The following NKAIN1 variants were observed in gnomAD, a reference collection of about 807,000 sequenced individuals.
The protein encoded by NKAIN1 is sodium/potassium-transporting ATPase subunit beta-1-interacting protein 1.
Under a neutral mutation model 31.6 loss-of-function variants are expected in NKAIN1, and 13 were observed. That is an observed-to-expected ratio of 0.41 (90% CI 0.27 to 0.65). The LOEUF (loss-of-function observed/expected upper bound fraction) is 0.65, where lower values mean the gene tolerates loss of function less well. NKAIN1 is among the 30% of genes least tolerant of loss of function. The pLI, the probability that NKAIN1 is intolerant of heterozygous loss-of-function variation, is 0.30. For missense variants in NKAIN1, 193 were observed against 262.2 expected (o/e 0.74, Z 1.82); for synonymous variants, 104 against 109.0 (o/e 0.95, Z 0.28).
intron 1 of NKAIN1, among the ~76,000 whole-genome samples, chr1:31,229,477 C>G (rs892026588): frequency 1.2e-4 from 19 of 152,134 alleles, no homozygotes; most frequent in African/African-American, 4.6e-4. Flanking sequence ...GGGGCAAAAG[C>G]AATCCTCCCC....
chr1:31,187,170 A>C (rs1039617656), intron 2 of NKAIN1, among the ~76,000 whole-genome samples: 1 of 152,098 alleles, frequency 6.6e-6, no homozygotes, highest in Non-Finnish European at 1.5e-5. Flanking sequence ...TCCTAGAATG[A>C]GTGTGTGTGG....
At chr1:31,214,347 A>G (rs1557658721) in intron 1 of NKAIN1, among the ~76,000 whole-genome samples, 1 of 152,010 alleles carries the variant, frequency 6.6e-6, no homozygotes, top group Non-Finnish European at 1.5e-5. Context: ...AATATTCAGG[A>G]ATCAGATAGT....
intron 1 of NKAIN1, among the ~76,000 whole-genome samples, chr1:31,205,914 C>T (rs567257762): frequency 4.0e-4 from 61 of 151,706 alleles, no homozygotes; most frequent in African/African-American, 1.4e-3. Context: ...TGAGCCACCG[C>T]GCCCGGCCCA....
rs142670426 is a variant in NKAIN1, at chr1:31,196,697, A to AAAAT, written c.55-8514_55-8511dup. ...GGCGACAGAGTGAGATTCCATCTCAAAAATAAATAAATAAATAAATAAATA... is the reference window on the plus strand; with the variant it reads ...GGCGACAGAGTGAGATTCCATCTCAAAAATAAATAAATAAATAAATAAATAAATA... On this transcript the variant is annotated intron_variant, in intron 1 of 6. Transcript: ENST00000373736. Among the ~76,000 whole-genome samples the AAAAT allele has an allele frequency of 5.4e-3, 790 of 145,244 alleles. 7 individuals carry two copies. The highest frequency in any genetic ancestry group is 0.012 in the East Asian group (57 of 4,846).
At chr1:31,186,050 A>G (rs1645239264) in intron 2 of NKAIN1, among the ~76,000 whole-genome samples, 2 of 150,468 alleles carry the variant, frequency 1.3e-5, no homozygotes, top group Non-Finnish European at 3.0e-5. Context: ...CAATATGGAG[A>G]AAACCCATAT....
intron 1 of NKAIN1, among the ~76,000 whole-genome samples, chr1:31,198,366 C>T (rs1282478299): frequency 6.6e-6 from 1 of 152,172 alleles, no homozygotes; most frequent in Non-Finnish European, 1.5e-5. Context: ...ACCAATGACT[C>T]AGTGAACAGC....
intron 1 of NKAIN1, among the ~76,000 whole-genome samples, chr1:31,215,867 T>C (rs1445984567): frequency 6.6e-6 from 1 of 152,156 alleles, no homozygotes; most frequent in Admixed American, 6.5e-5. Flanking sequence ...CTAATAACAA[T>C]GGCTAAGATA....
rs74469999 is a variant in NKAIN1, at chr1:31,212,062, A to T, written c.55-23875T>A. ...TCCTGATTTCAAAACTTACAATGAC[A>T]AAGTTACAGTTATCAAGACAGTGTG... On this transcript the variant is annotated intron_variant, in intron 1 of 6. Transcript: ENST00000373736. Among the ~76,000 whole-genome samples, 891 of 152,250 alleles carry T rather than the reference A, an allele frequency of 5.9e-3. 10 individuals carry two copies. The highest frequency in any genetic ancestry group is 0.02 in the African/African-American group (836 of 41,568).
intron 1 of NKAIN1, among the ~76,000 whole-genome samples, chr1:31,213,038 TTTTG>T (rs201473431): frequency 0.044 from 3,323 of 75,634 alleles, 39 homozygotes; most frequent in Non-Finnish European, 0.086. Flanking sequence ...AAGCTTTTTC[TTTTG>T]TTTTTTTTTT....
chr1:31,186,394 GTTTTTTTTTTT>G lies in NKAIN1; in HGVS notation c.193-1078_193-1068del, dbSNP rs11303246. Among the ~76,000 whole-genome samples, 706 of 97,300 alleles carry G rather than the reference GTTTTTTTTTTT, an allele frequency of 7.3e-3. 5 individuals carry two copies. The highest frequency in any genetic ancestry group is 0.025 in the African/African-American group (661 of 26,620). 63.8% of individuals were successfully genotyped at this position (97,300 alleles called of 152,430 possible). A position where few individuals can be genotyped will look rare whatever the true frequency, so the allele number is the denominator to read the frequency against. ...AAAAAAAAAGTCTTAATTCTTTTGTGTTTTTTTTTTTTTTTTTTTTTTTAAGACAAGATTTT... is the reference window on the plus strand; with the variant it reads ...AAAAAAAAAGTCTTAATTCTTTTGTGTTTTTTTTTTTTAAGACAAGATTTT... On this transcript the variant is annotated intron_variant, in intron 2 of 6. Transcript: ENST00000373736.
intron 1 of NKAIN1, among the ~76,000 whole-genome samples, chr1:31,216,154 C>T (rs188151113): frequency 4.0e-5 from 6 of 151,516 alleles, no homozygotes; most frequent in Non-Finnish European, 5.9e-5. Flanking sequence ...CAGAGGAGCA[C>T]GGGGGAACGG....
chr1:31,200,283 C>T (rs901104338), intron 1 of NKAIN1, among the ~76,000 whole-genome samples: 1 of 152,176 alleles, frequency 6.6e-6, no homozygotes, highest in Non-Finnish European at 1.5e-5. Context: ...AGGCACCAAA[C>T]GCGTGCGACT....
chr1:31,214,753 G>A (rs1352458010), intron 1 of NKAIN1, among the ~76,000 whole-genome samples: 1 of 152,224 alleles, frequency 6.6e-6, no homozygotes, highest in Non-Finnish European at 1.5e-5. Flanking sequence ...AGGCAGAGAT[G>A]AGCGCCTGTG....
At chr1:31,234,536 G>A (rs1645681057) in intron 1 of NKAIN1, among the ~76,000 whole-genome samples, 1 of 150,882 alleles carries the variant, frequency 6.6e-6, no homozygotes, top group African/African-American at 2.4e-5. Flanking sequence ...TATGTGTCTG[G>A]CACCTGGCCA....
chr1:31,239,051 CAG>C lies in NKAIN1; in HGVS notation c.54+441_54+442del, dbSNP rs1645712875. Among the ~76,000 whole-genome samples the C allele has an allele frequency of 6.6e-6, 1 of 152,118 alleles. No homozygotes were observed. Among genetic ancestry groups the C allele is most frequent in the African/African-American group, 2.4e-5 (1 of 41,414 alleles). On this transcript the variant is annotated intron_variant, in intron 1 of 6. Transcript: ENST00000373736. This position sits in a 1 kb window ranked among gnomAD's most constrained non-coding sequence, Gnocchi z 4.8. ...AGAGACTTTGTGAGAAACGCTCACA[CAG>C]GGGTGGTGATCAGAGGCAGAGACCC...
At chr1:31,202,175 T>A (rs1645385134) in intron 1 of NKAIN1, among the ~76,000 whole-genome samples, 1 of 152,150 alleles carries the variant, frequency 6.6e-6, no homozygotes, top group African/African-American at 2.4e-5. Context: ...CTCATCTCAG[T>A]GACCACTGAC....
chr1:31,232,628 G>A (rs1645663394), intron 1 of NKAIN1, among the ~76,000 whole-genome samples: 1 of 151,070 alleles, frequency 6.6e-6, no homozygotes, highest in African/African-American at 2.4e-5. Flanking sequence ...GCCTTAGTCT[G>A]CCTTCCTGTC....
chr1:31,181,651 G>T lies in NKAIN1; in HGVS notation c.*52C>A. 7.0e-7 allele frequency: 1 copy of T among 1,427,048 alleles called. No individual in the cohort carries two copies. Among genetic ancestry groups the T allele is most frequent in the Non-Finnish European group, 9.2e-7 (1 of 1,083,740 alleles). The allele number at this position is 1,427,048 out of a possible 1,614,324, so 88.4% of individuals were successfully genotyped here. A position where few individuals can be genotyped will look rare whatever the true frequency, so the allele number is the denominator to read the frequency against. Reference sequence around the variant, plus strand: ...CGCCTGCGCCTTGGCCCGAGCTCGCGGCAGCTGCGGTCAGCCCAGGGCGAG... The same window carrying T: ...CGCCTGCGCCTTGGCCCGAGCTCGCTGCAGCTGCGGTCAGCCCAGGGCGAG... On this transcript the variant is annotated 3_prime_UTR_variant, in exon 7 of 7. Transcript: ENST00000373736.
chr1:31,204,842 G>C (rs904118704), intron 1 of NKAIN1, among the ~76,000 whole-genome samples: 4 of 152,076 alleles, frequency 2.6e-5, no homozygotes, highest in African/African-American at 4.8e-5. Flanking sequence ...GGAAGTGATG[G>C]GGGGAAGGCC....
Sources: allele counts gnomAD v4.1 joint callset (sites outside exome capture counted in the v4.1 genomes callset), GRCh38; gene constraint gnomAD v4.1.1; non-coding constraint Gnocchi (gnomAD v3.1); transcripts MANE v1.5; gene names NCBI Gene and HGNC (gene_info 2026-07-23, HGNC 2026-07-21).